The following KIAA0513 variants were observed in gnomAD, a reference collection of about 807,000 sequenced individuals.
The protein encoded by KIAA0513 is uncharacterized protein KIAA0513.
Under a neutral mutation model 56.5 loss-of-function variants are expected in KIAA0513, and 39 were observed. The observed-to-expected ratio is 0.69, with a 90% CI of 0.53 to 0.90. KIAA0513 has a LOEUF of 0.90. Ranked by LOEUF, KIAA0513 falls within the 40% of genes least tolerant of loss-of-function variation. The pLI is 0.00. For missense variants in KIAA0513, 591 were observed against 535.2 expected, an observed-to-expected ratio of 1.10 and a Z score of -1.03; for synonymous variants, 268 against 215.6, an observed-to-expected ratio of 1.24 and a Z score of -2.13.
chr16:85,080,652 G>A (rs1198199572), intron 8 of KIAA0513, among the ~76,000 whole-genome samples: 1 of 152,064 alleles, frequency 6.6e-6, no homozygotes, highest in East Asian at 1.9e-4. Context: ...AAATAAGCTG[G>A]GTGTGGTGGC....
At chr16:85,057,748 C>T (rs1402721526) in intron 1 of KIAA0513, among the ~76,000 whole-genome samples, 1 of 151,558 alleles carries the variant, frequency 6.6e-6, no homozygotes, top group Non-Finnish European at 1.5e-5. Context: ...ACTGGAGAGG[C>T]TGCCTCTGCT....
chr16:85,079,733 G>A (rs1159692114), intron 8 of KIAA0513: 2 of 152,230 alleles, frequency 1.3e-5, no homozygotes, highest in African/African-American at 4.8e-5. Context: ...ACAACTCTGT[G>A]AATACACTAA....
In KIAA0513 at chr16:85,093,262, T is replaced by TG. The variant is rs1239163812; in HGVS notation, c.*4942dup. 1.9e-4 allele frequency: 9 copies of TG among 46,786 alleles called. No homozygotes were observed. Among genetic ancestry groups the TG allele is most frequent in the African/African-American group, 7.5e-4 (9 of 12,032 alleles). 2.9% of individuals were successfully genotyped at this position (46,786 alleles called of 1,614,324 possible). Reference sequence around the variant, plus strand: ...ACAGCGCTCCCACAGGGGCTGGGGGTGGGGGTGGGGTTTCTTAGTTACTGT... The same window carrying TG: ...ACAGCGCTCCCACAGGGGCTGGGGGTGGGGGGTGGGGTTTCTTAGTTACTGT... On this transcript the variant is annotated 3_prime_UTR_variant, in exon 13 of 13. Transcript: ENST00000683363.
intron 1 of KIAA0513, among the ~76,000 whole-genome samples, chr16:85,054,109 G>A (rs530192093): frequency 1.3e-3 from 202 of 152,256 alleles, no homozygotes; most frequent in Non-Finnish European, 2.3e-3. Context: ...GCAGTGAGCT[G>A]TGATTGTGCC....
At chr16:85,047,404 C>A (rs2073186385) in intron 1 of KIAA0513, among the ~76,000 whole-genome samples, 1 of 152,236 alleles carries the variant, frequency 6.6e-6, no homozygotes, top group Non-Finnish European at 1.5e-5. Context: ...CCTATCTTCA[C>A]CCCTTCAGCC....
chr16:85,061,159 A>C (rs1179828395), intron 1 of KIAA0513, among the ~76,000 whole-genome samples: 1 of 151,276 alleles, frequency 6.6e-6, no homozygotes, highest in Non-Finnish European at 1.5e-5. Flanking sequence ...TCCGTCTCAA[A>C]AAAAAAAAAA....
At chr16:85,042,777 G>GAGGCAGCAGC (rs1317778526) in intron 1 of KIAA0513, among the ~76,000 whole-genome samples, 2 of 152,228 alleles carry the variant, frequency 1.3e-5, no homozygotes, top group African/African-American at 4.8e-5. Context: ...GCCGTGCACA[G>GAGGCAGCAGC]AGGCAGCAGC....
Position 85,086,642 on chromosome 16 carries a change from A to C in KIAA0513, c.1011-2A>C. 1 of 1,613,272 alleles carries C rather than the reference A, an allele frequency of 6.2e-7. No homozygotes were observed. Among genetic ancestry groups the C allele is most frequent in the Non-Finnish European group, 8.5e-7 (1 of 1,179,704 alleles). The stretch of plus-strand genomic sequence containing the variant: ...CGCTTCTGTCACCTCCTGTGCTTGC[A>C]GGGAGAAGTGGTGCCACATGACCCA... On this transcript the variant is annotated splice_acceptor_variant, in intron 10 of 12. Transcript: ENST00000683363. LOFTEE classifies it high-confidence loss of function.
rs1484078448 is a variant in KIAA0513, at chr16:85,075,925, G to T, written c.574+11G>T. ...CCTACTACCACATCGGTAAGACATGGGTGGGCTGATGTGGGGCTCACCTGA... is the reference window on the plus strand; with the variant it reads ...CCTACTACCACATCGGTAAGACATGTGTGGGCTGATGTGGGGCTCACCTGA... On this transcript the variant is annotated intron_variant, in intron 5 of 12. Coordinates refer to ENST00000683363, the MANE Select transcript of KIAA0513 (RefSeq NM_001388359.1). 1.9e-6 allele frequency: 3 copies of T among 1,606,816 alleles called. No individual in the cohort carries two copies. In the African/African-American group the frequency reaches 4.0e-5, roughly 21 times the overall value.
chr16:85,049,809 A>G (rs556923329), intron 1 of KIAA0513, among the ~76,000 whole-genome samples: 132 of 152,322 alleles, frequency 8.7e-4, no homozygotes, highest in Non-Finnish European at 1.7e-3. Context: ...CAGTGCAAGA[A>G]TGGCCTCATT....
At position 85,030,001 on chromosome 16, in the gene KIAA0513, C is replaced by G. The variant is rs182165462; in HGVS notation, c.-173+2143C>G. Among the ~76,000 whole-genome samples the G allele has an allele frequency of 3.8e-3, 572 of 152,300 alleles. 4 individuals are homozygous for G. The highest frequency in any genetic ancestry group is 0.013 in the African/African-American group (540 of 41,564). On this transcript the variant is annotated intron_variant, in intron 1 of 12. Transcript: ENST00000683363. ...CTGACGCTGGATATAGCAGCCCTTA[C>G]CGCTCTGTGGAATGGGAAGTGGGGC...
intron 10 of KIAA0513, among the ~76,000 whole-genome samples, chr16:85,086,306 C>T (rs1427730493): frequency 1.3e-5 from 2 of 152,252 alleles, no homozygotes; most frequent in East Asian, 3.8e-4. Context: ...ACTCTCCAAC[C>T]GTAGTAAGGC....
chr16:85,086,759 G>C lies in KIAA0513; in HGVS notation c.1091+35G>C, dbSNP rs757298850. ...AGAGTGGGAAAGCGGGAGGGGAGAG[G>C]GGGGAGGGCCCACCCTGTGAGCTGT... is the stretch of plus-strand genomic sequence containing the variant. On this transcript the variant is annotated intron_variant, in intron 11 of 12. Transcript: ENST00000683363. 5.2e-5 allele frequency: 69 copies of C among 1,331,866 alleles called. No individual in the cohort carries two copies. The East Asian group carries it at 8.2e-4, about 16-fold the overall frequency. 82.5% of individuals were successfully genotyped at this position (1,331,866 alleles called of 1,614,324 possible).
chr16:85,054,037 G>T (rs1282243727), intron 1 of KIAA0513, among the ~76,000 whole-genome samples: 1 of 149,424 alleles, frequency 6.7e-6, no homozygotes, highest in Admixed American at 6.7e-5. Context: ...GCGCATGCTT[G>T]TAGTCCCAGC....
intron 1 of KIAA0513, among the ~76,000 whole-genome samples, chr16:85,035,156 A>G (rs9921176): frequency 0.1 from 15,301 of 152,148 alleles, 1,390 homozygotes; most frequent in African/African-American, 0.23. Context: ...GAGCATGGCC[A>G]TGGTGGTGCT....
chr16:85,060,842 T>TAA (rs76957998), intron 1 of KIAA0513, among the ~76,000 whole-genome samples: 1,196 of 118,126 alleles, frequency 0.01, 20 homozygotes, highest in African/African-American at 0.033. Context: ...TGAACCTATC[T>TAA]AAAAAAAAAA....
At chr16:85,045,117 CTAAA>C (rs1439675777) in intron 1 of KIAA0513, among the ~76,000 whole-genome samples, 1 of 150,812 alleles carries the variant, frequency 6.6e-6, no homozygotes, top group African/African-American at 2.5e-5. Flanking sequence ...GACTCCGTCT[CTAAA>C]TAAATAAATA....
At chr16:85,047,517 G>C (rs569933727) in intron 1 of KIAA0513, among the ~76,000 whole-genome samples, 1 of 152,124 alleles carries the variant, frequency 6.6e-6, no homozygotes, top group Non-Finnish European at 1.5e-5. Context: ...AAGCCAGCGG[G>C]TTTTTCACCC....
intron 1 of KIAA0513, among the ~76,000 whole-genome samples, chr16:85,028,221 T>C (rs1310076694): frequency 1.3e-5 from 2 of 151,962 alleles, no homozygotes; most frequent in Non-Finnish European, 2.9e-5. Context: ...AGCAGGTGGC[T>C]TTGGGATGGA....
Sources: allele counts gnomAD v4.1 joint callset (sites outside exome capture counted in the v4.1 genomes callset), GRCh38; gene constraint gnomAD v4.1.1; transcripts MANE v1.5; gene names NCBI Gene and HGNC (gene_info 2026-07-23, HGNC 2026-07-21).